Variants in OSBPL8 observed in about 807,000 individuals in gnomAD.
OSBPL8 encodes oxysterol-binding protein-related protein 8.
A neutral mutation model predicts 125.5 loss-of-function variants in OSBPL8; 59 were observed. The ratio of observed to expected loss-of-function variants is 0.47; its 90% confidence interval spans 0.38 to 0.58. The LOEUF (loss-of-function observed/expected upper bound fraction) is 0.58. Among genes scored for constraint, OSBPL8 ranks in the 20% least tolerant of loss-of-function variants. The pLI is 0.00. For missense variants in OSBPL8, 758 were observed against 1,047.8 expected (o/e 0.72, Z 3.82); for synonymous variants, 330 against 338.9 (o/e 0.97, Z 0.29).
At chr12:76,392,843 A>AG (rs1953621962) in intron 9 of OSBPL8, 91 bp from the exon 10 acceptor site, 1 of 1,288,960 alleles carries the variant, frequency 7.8e-7, no homozygotes, top group African/African-American at 1.5e-5. Context: ...TATTTCTTTG[A>AG]GAAACATGCA....
At chr12:76,466,124 A>G (rs1171825597) in intron 2 of OSBPL8, among the ~76,000 whole-genome samples, 6 of 152,226 alleles carry the variant, frequency 3.9e-5, no homozygotes, top group Non-Finnish European at 2.9e-5. Flanking sequence ...ATTTTCTTAT[A>G]CACATACAAA....
chr12:76,539,243 T>A (rs1950577048), intron 1 of OSBPL8, among the ~76,000 whole-genome samples: 1 of 152,180 alleles, frequency 6.6e-6, no homozygotes, highest in South Asian at 2.1e-4. Context: ...TCATTCATTT[T>A]CTCAATATTC....
chr12:76,356,496 A>C lies in OSBPL8; in HGVS notation c.2537+130T>G, dbSNP rs559238388. 6 of 582,342 alleles carry C rather than the reference A, an allele frequency of 1.0e-5. No homozygotes were observed. The African/African-American group carries it at 1.2e-4, about 11-fold the overall frequency. 36.1% of individuals were successfully genotyped at this position (582,342 alleles called of 1,614,324 possible). A position where few individuals can be genotyped will look rare whatever the true frequency, so the allele number is the denominator to read the frequency against. ...GTAAGTGTCAAACATCAGGTGATAG[A>C]GGCTAAACATTGTATTTTAGCTTAG... On this transcript the variant is annotated intron_variant, in intron 23 of 23. Coordinates refer to ENST00000261183, the MANE Select transcript of OSBPL8 (RefSeq NM_020841.5).
intron 1 of OSBPL8, among the ~76,000 whole-genome samples, chr12:76,512,568 T>C (rs538951690): frequency 1.3e-5 from 2 of 152,382 alleles, no homozygotes; most frequent in South Asian, 2.1e-4. Context: ...ACAGGTTCCA[T>C]ACTGTTTTTG....
intron 1 of OSBPL8, among the ~76,000 whole-genome samples, chr12:76,526,693 T>G (rs1023021694): frequency 3.9e-5 from 5 of 128,842 alleles, no homozygotes; most frequent in Non-Finnish European, 7.9e-5. Flanking sequence ...CTCTGTCACC[T>G]GGGCTGGAGT....
At chr12:76,363,469 G>T (rs1194656141) in intron 21 of OSBPL8, among the ~76,000 whole-genome samples, 1 of 152,198 alleles carries the variant, frequency 6.6e-6, no homozygotes, top group Non-Finnish European at 1.5e-5. Flanking sequence ...GCAGAAAACT[G>T]AAACTGGTTT....
At chr12:76,466,896 C>T (rs954057349) in intron 2 of OSBPL8, among the ~76,000 whole-genome samples, 1 of 150,838 alleles carries the variant, frequency 6.6e-6, no homozygotes, top group African/African-American at 2.4e-5. Flanking sequence ...GGGGCGGGGG[C>T]GGAGGCTGCA....
chr12:76,530,840 T>C (rs555234932), intron 1 of OSBPL8, among the ~76,000 whole-genome samples: 2 of 152,282 alleles, frequency 1.3e-5, no homozygotes, highest in East Asian at 3.9e-4. Context: ...CTTAATTCAC[T>C]TCCCTGAAGA....
rs562523069 is a variant in OSBPL8, at chr12:76,397,195, A to T, written c.672+499T>A. On this transcript the variant is annotated intron_variant, in intron 8 of 23. Transcript: ENST00000261183. ...GCCTCTTTCTCAAGAGTAAGTAATT[A>T]AAAAAAATTTTTTTTTTTAAGAGTA... 3.2e-3 allele frequency among the ~76,000 whole-genome samples: 73 copies of T among 22,776 alleles called. 2 individuals are homozygous for T. In the East Asian group the frequency reaches 0.071, roughly 22 times the overall value. The allele number at this position is 22,776 out of a possible 152,430, so 14.9% of individuals were successfully genotyped here.
intron 13 of OSBPL8, 91 bp downstream of exon 13, chr12:76,386,488 T>C: frequency 7.5e-7 from 1 of 1,338,370 alleles, no homozygotes. Context: ...AGCCCAGTAA[T>C]GTAACTGTTA....
rs564356577 is a variant in OSBPL8 at position 76,353,577 on chromosome 12, A to G, written c.*2312T>C. 6.6e-6 allele frequency: 1 copy of G among 152,526 alleles called. No individual in the cohort carries two copies. The highest frequency in any genetic ancestry group is 2.4e-5 in the African/African-American group (1 of 41,582). 9.4% of individuals were successfully genotyped at this position (152,526 alleles called of 1,614,324 possible). On this transcript the variant is annotated 3_prime_UTR_variant, in exon 24 of 24. Coordinates refer to ENST00000261183, the MANE Select transcript of OSBPL8 (RefSeq NM_020841.5). ...TTCAGGTAAATAACATTCAAAGTCA[A>G]TTACATATATGGCTACAAAGTTAGT...
At chr12:76,497,873 G>T (rs1197618942) in intron 1 of OSBPL8, among the ~76,000 whole-genome samples, 2 of 152,210 alleles carry the variant, frequency 1.3e-5, no homozygotes, top group African/African-American at 4.8e-5. Flanking sequence ...TTAGGATTGG[G>T]CATTTTTATA....
chr12:76,421,074 A>G (rs1177931481), intron 4 of OSBPL8, among the ~76,000 whole-genome samples: 5 of 152,058 alleles, frequency 3.3e-5, no homozygotes, highest in Admixed American at 2.6e-4. Context: ...TAAGTTTTCT[A>G]TTGTTCATCA....
In OSBPL8 at chr12:76,508,127, C is replaced by T. The variant is rs986488043; in HGVS notation, c.-67-20509G>A. On this transcript the variant is annotated intron_variant, in intron 1 of 23. Transcript: ENST00000261183. ...CGGAGGTTGCAGTGAGCCGAGATTG[C>T]GCCATCGCACTCCAGCCTGGGCAAC... Among the ~76,000 whole-genome samples the T allele has an allele frequency of 1.1e-4, 17 of 149,234 alleles. No homozygotes were observed. In the East Asian group the frequency reaches 2.0e-3, roughly 18 times the overall value.
chr12:76,386,565 A>G lies in OSBPL8; in HGVS notation c.1434+14T>C, dbSNP rs1953321852. 2 of 1,562,208 alleles carry G rather than the reference A, an allele frequency of 1.3e-6. No individual in the cohort carries two copies. Among genetic ancestry groups the G allele is most frequent in the African/African-American group, 1.4e-5 (1 of 73,138 alleles). ...AAACACTAAAGACAATAAAATGTAA[A>G]CAAACATTATTACCTTTGGCTTTTT... is the stretch of plus-strand genomic sequence containing the variant. On this transcript the variant is annotated intron_variant, in intron 13 of 23. Coordinates refer to ENST00000261183, the MANE Select transcript of OSBPL8 (RefSeq NM_020841.5).
chr12:76,394,563 T>C, intron 9 of OSBPL8, 82 bp downstream of exon 9: 3 of 957,078 alleles, frequency 3.1e-6, no homozygotes, highest in African/African-American at 1.7e-5. Flanking sequence ...AAAAATATAT[T>C]TCCCCAGAAT....
intron 2 of OSBPL8, among the ~76,000 whole-genome samples, chr12:76,483,519 A>G (rs1043590153): frequency 2.6e-5 from 4 of 151,950 alleles, no homozygotes; most frequent in Admixed American, 6.6e-5. Context: ...AGCCGAGACC[A>G]TGCCACTGCA....
At chr12:76,514,923 G>C (rs1185631254) in intron 1 of OSBPL8, among the ~76,000 whole-genome samples, 2 of 152,142 alleles carry the variant, frequency 1.3e-5, no homozygotes, top group Non-Finnish European at 2.9e-5. Flanking sequence ...TCTTTCCTCA[G>C]CCTGGTTTAT....
Position 76,548,329 on chromosome 12 carries a change from G to T in OSBPL8, c.-68+11068C>A, listed in dbSNP as rs142191909. Among the ~76,000 whole-genome samples the T allele has an allele frequency of 2.1e-3, 324 of 152,222 alleles. 2 individuals are homozygous for T. The highest frequency in any genetic ancestry group is 7.4e-3 in the African/African-American group (307 of 41,538). ...ATAACCTTTAAGAGTGACATGGAAA[G>T]GATGGGAACCAATACGTCTGAGAAG... On this transcript the variant is annotated intron_variant, in intron 1 of 23. Transcript: ENST00000261183.
Sources: allele counts gnomAD v4.1 joint callset (sites outside exome capture counted in the v4.1 genomes callset), GRCh38; gene constraint gnomAD v4.1.1; transcripts MANE v1.5; gene names NCBI Gene and HGNC (gene_info 2026-07-23, HGNC 2026-07-21).